Variants in SRBD1 observed in about 807,000 individuals in gnomAD.
The protein encoded by SRBD1 is S1 RNA binding domain 1.
In SRBD1, 88 loss-of-function variants were observed where a neutral mutation model predicts 115.3. The ratio of observed to expected loss-of-function variants is 0.76; its 90% CI spans 0.64 to 0.91. The LOEUF is 0.91. Ranked by LOEUF, SRBD1 falls within the 40% of genes least tolerant of loss-of-function variation. The pLI is 0.00. For synonymous variants in SRBD1, 509 were observed against 407.7 expected, an observed-to-expected ratio of 1.25 and a Z score of -2.99; for missense variants, 1,385 against 1,177.4, an observed-to-expected ratio of 1.18 and a Z score of -2.58.
intron 14 of SRBD1, among the ~76,000 whole-genome samples, chr2:45,536,977 A>C (rs1671782335): frequency 6.6e-6 from 1 of 152,192 alleles, no homozygotes; most frequent in Non-Finnish European, 1.5e-5. Context: ...AACCAAAACA[A>C]ATATTCATGA....
intron 9 of SRBD1, chr2:45,567,952 C>A (rs939952069): frequency 6.6e-5 from 10 of 152,136 alleles, no homozygotes; most frequent in African/African-American, 2.2e-4. Context: ...TCCTGACACA[C>A]AGGAAGACCC....
At chr2:45,585,522 G>A in intron 5 of SRBD1, 86 bp downstream of exon 5, 1 of 1,412,064 alleles carries the variant, frequency 7.1e-7, no homozygotes. Context: ...TGTTGAAATT[G>A]TCAAATATAC....
chr2:45,511,540 G>A (rs188719497), intron 14 of SRBD1, among the ~76,000 whole-genome samples: 18 of 152,256 alleles, frequency 1.2e-4, no homozygotes, highest in African/African-American at 3.6e-4. Flanking sequence ...ATATAAGACC[G>A]TTTACATGAG....
At chr2:45,599,259 C>G (rs1476572566) in intron 4 of SRBD1, among the ~76,000 whole-genome samples, 190 bp downstream of exon 4, 1 of 152,220 alleles carries the variant, frequency 6.6e-6, no homozygotes, top group Non-Finnish European at 1.5e-5. Flanking sequence ...AGCTGAAGAA[C>G]TGATGATTAG....
At chr2:45,508,114 A>G (rs1045106105) in intron 14 of SRBD1, among the ~76,000 whole-genome samples, 16 of 152,192 alleles carry the variant, frequency 1.1e-4, no homozygotes, top group African/African-American at 3.6e-4. Flanking sequence ...TCAGCTATTC[A>G]GTCACACTAT....
At chr2:45,576,098 A>C (rs1297184264) in intron 7 of SRBD1, among the ~76,000 whole-genome samples, 1 of 151,750 alleles carries the variant, frequency 6.6e-6, no homozygotes, top group African/African-American at 2.4e-5. Context: ...TGCTTTTGCT[A>C]TTCCTGAGAC....
intron 4 of SRBD1, among the ~76,000 whole-genome samples, chr2:45,587,519 G>C (rs1378435233): frequency 6.6e-6 from 1 of 152,052 alleles, no homozygotes; most frequent in Non-Finnish European, 1.5e-5. Context: ...GAATGCCCAA[G>C]ATCTGACAGA....
At chr2:45,509,166 AC>A (rs1295432883) in intron 14 of SRBD1, among the ~76,000 whole-genome samples, 1 of 152,122 alleles carries the variant, frequency 6.6e-6, no homozygotes, top group African/African-American at 2.4e-5. Context: ...TCATCTACCT[AC>A]CCTAATCTCC....
At chr2:45,440,525 G>A (rs1320307284) in intron 16 of SRBD1, among the ~76,000 whole-genome samples, 4 of 152,140 alleles carry the variant, frequency 2.6e-5, no homozygotes, top group Non-Finnish European at 5.9e-5. Flanking sequence ...CCCCATGTGT[G>A]GTCACTGGGC....
At chr2:45,580,816 C>T (rs1673337076) in intron 6 of SRBD1, among the ~76,000 whole-genome samples, 1 of 150,420 alleles carries the variant, frequency 6.6e-6, no homozygotes, top group Non-Finnish European at 1.5e-5. Flanking sequence ...ACCTGAGTAG[C>T]TGGGATTACA....
intron 4 of SRBD1, among the ~76,000 whole-genome samples, chr2:45,589,380 A>G (rs1419891649): frequency 1.3e-5 from 2 of 152,152 alleles, no homozygotes; most frequent in Non-Finnish European, 2.9e-5. Flanking sequence ...TTTAAAGAAA[A>G]GATCTCCCTG....
intron 18 of SRBD1, among the ~76,000 whole-genome samples, chr2:45,414,568 C>G (rs940600093): frequency 1.3e-5 from 2 of 148,754 alleles, no homozygotes; most frequent in East Asian, 4.1e-4. Context: ...TGTGTACACA[C>G]ATAGTGTGTA....
chr2:45,574,729 G>T lies in SRBD1; in HGVS notation c.1073-6C>A, dbSNP rs779282762. 3 of 1,602,550 alleles carry T rather than the reference G, an allele frequency of 1.9e-6. No individual in the cohort carries two copies. Among genetic ancestry groups the T allele is most frequent in the Admixed American group, 3.5e-5 (2 of 56,572 alleles). ...ATCCTGAAGCGTTGAAAGCCCTTTA[G>T]GAGAAGGGTAAAAAGGAAAACAAAA... On this transcript the variant is annotated splice_region_variant and splice_polypyrimidine_tract_variant and intron_variant, in intron 7 of 20. Transcript: ENST00000263736.
At chr2:45,606,273 C>T (rs1247239210) in intron 1 of SRBD1, among the ~76,000 whole-genome samples, 8 of 151,652 alleles carry the variant, frequency 5.3e-5, no homozygotes, top group Non-Finnish European at 1.0e-4. Context: ...GATTCTCCTG[C>T]CTCAGCCTCC....
chr2:45,597,348 A>G lies in SRBD1; in HGVS notation c.648+2101T>C, dbSNP rs575646220. ...GGCAGGAGAATCGCTTGAACCTGGG[A>G]GGCAGAGGTTGCAGTGAGCCAAGAT... is the stretch of plus-strand genomic sequence containing the variant. On this transcript the variant is annotated intron_variant, in intron 4 of 20. Coordinates refer to ENST00000263736, the MANE Select transcript of SRBD1 (RefSeq NM_018079.5). Among the ~76,000 whole-genome samples the G allele has an allele frequency of 4.0e-5, 6 of 151,680 alleles. No homozygotes were observed. In the East Asian group the frequency reaches 1.2e-3, roughly 29 times the overall value.
At chr2:45,534,805 T>C (rs1180032296) in intron 14 of SRBD1, among the ~76,000 whole-genome samples, 2 of 151,938 alleles carry the variant, frequency 1.3e-5, no homozygotes, top group African/African-American at 2.4e-5. Context: ...TTAAGTTATA[T>C]AGCTAAGTCT....
chr2:45,430,211 T>C (rs1045000375), intron 16 of SRBD1, among the ~76,000 whole-genome samples: 2 of 152,166 alleles, frequency 1.3e-5, no homozygotes, highest in Admixed American at 6.5e-5. Flanking sequence ...ATGGCCATAC[T>C]GCCCTAAGTA....
At chr2:45,588,027 T>C (rs1673600623) in intron 4 of SRBD1, among the ~76,000 whole-genome samples, 2 of 152,176 alleles carry the variant, frequency 1.3e-5, no homozygotes, top group African/African-American at 4.8e-5. Context: ...AACTGCAAAA[T>C]ATTTCCTTAC....
At chr2:45,571,397 C>CT (rs141300321) in intron 9 of SRBD1, among the ~76,000 whole-genome samples, 24,320 of 150,818 alleles carry the variant, frequency 0.16, 2,949 homozygotes, top group African/African-American at 0.34. Flanking sequence ...TACAAAAATA[C>CT]TTAGAAAAGT....
Sources: allele counts gnomAD v4.1 joint callset (sites outside exome capture counted in the v4.1 genomes callset), GRCh38; gene constraint gnomAD v4.1.1; transcripts MANE v1.5; gene names NCBI Gene and HGNC (gene_info 2026-07-23, HGNC 2026-07-21).